Variants in EIF4E1B observed in about 807,000 individuals in gnomAD.
EIF4E1B encodes the protein eukaryotic translation initiation factor 4E family member 1B, also known as eukaryotic translation initiation factor 4E type 1B.
Under a neutral mutation model 31.3 loss-of-function variants are expected in EIF4E1B, and 22 were observed. The observed-to-expected ratio is 0.70, with a 90% CI of 0.50 to 1.00. EIF4E1B has a LOEUF of 1.00. Among genes scored for constraint, EIF4E1B ranks in the 50% least tolerant of loss-of-function variants. EIF4E1B has a pLI of 0.00. For missense variants in EIF4E1B, 290 were observed against 311.6 expected (o/e 0.93, Z 0.52); for synonymous variants, 126 against 120.2 (o/e 1.05, Z -0.31).
intron 2 of EIF4E1B, 99 bp from the exon 3 acceptor site, chr5:176,642,611 C>T (rs375479409): frequency 1.2e-5 from 12 of 1,011,660 alleles, no homozygotes; most frequent in East Asian, 5.4e-5. Flanking sequence ...CTTCTGCCAT[C>T]GGCAGGGCCG....
At chr5:176,643,501 T>C (rs1561910810) in intron 4 of EIF4E1B, 138 bp from the exon 5 acceptor site, 2 of 901,638 alleles carry the variant, frequency 2.2e-6, no homozygotes. Context: ...TTCATTCACC[T>C]GAGAGGGGAA....
At chr5:176,632,771 C>A (rs1456364285) in intron 1 of EIF4E1B, among the ~76,000 whole-genome samples, 1 of 152,112 alleles carries the variant, frequency 6.6e-6, no homozygotes, top group Non-Finnish European at 1.5e-5. Context: ...TTAAAATTGC[C>A]CCCTTCCCAT....
At chr5:176,643,519 C>A in intron 4 of EIF4E1B, 120 bp from the exon 5 acceptor site, 2 of 987,154 alleles carry the variant, frequency 2.0e-6, no homozygotes, top group South Asian at 1.6e-5. Flanking sequence ...GAATGCTGTG[C>A]CCCAAATCTC....
At chr5:176,642,837 A>G in intron 3 of EIF4E1B, 35 bp downstream of exon 3, 2 of 1,443,260 alleles carry the variant, frequency 1.4e-6, no homozygotes, top group East Asian at 2.8e-5. Flanking sequence ...CCAGTGCACC[A>G]TGGCCCCGCC....
rs1760637808 is a variant in EIF4E1B, at chr5:176,643,652, T to C, written c.214T>C (p.Phe72Leu). 1 of 1,609,388 alleles carries C rather than the reference T, an allele frequency of 6.2e-7. No homozygotes were observed. The highest frequency in any genetic ancestry group is 8.5e-7 in the Non-Finnish European group (1 of 1,177,876). ...TTCCCCTACCAGGTGGGCTCTGTGG[T>C]TCTTCAAGAATGACCGCAGCCGGGC... ...HPLQNRWALW[F>L]FKNDRSRAWQ... Residue 72 changes from phenylalanine (F) to leucine (L), a missense_variant, in exon 5 of 9, where the codon TTC becomes CTC. By Grantham distance (22) the Phe-to-Leu change is conservative. Transcript: ENST00000318682.
chr5:176,643,345 C>T (rs1760627835), intron 4 of EIF4E1B, 79 bp downstream of exon 4: 4 of 1,486,922 alleles, frequency 2.7e-6, no homozygotes, highest in African/African-American at 1.4e-5. Context: ...CCTTGGGCAA[C>T]CCCGCCTCTC....
chr5:176,642,865 C>CACCCCCG (rs56115420), intron 3 of EIF4E1B, 63 bp downstream of exon 3: 22 of 1,173,072 alleles, frequency 1.9e-5, no homozygotes, highest in Non-Finnish European at 2.3e-5. Flanking sequence ...CCCCCCCCCC[C>CACCCCCG]GCCCCAGGTG....
At chr5:176,641,204 C>G (rs1760569708) in intron 1 of EIF4E1B, among the ~76,000 whole-genome samples, 1 of 152,140 alleles carries the variant, frequency 6.6e-6, no homozygotes, top group Admixed American at 6.5e-5. Flanking sequence ...TGGTGCATGC[C>G]TGTAGTCCCA....
chr5:176,633,955 C>T (rs1036863198), intron 1 of EIF4E1B, among the ~76,000 whole-genome samples: 2 of 152,078 alleles, frequency 1.3e-5, no homozygotes, highest in African/African-American at 4.8e-5. Flanking sequence ...ACAAGGACGC[C>T]TGAACTACAG....
chr5:176,645,717 G>T lies in EIF4E1B; in HGVS notation c.615-149G>T. ...AGTGCAGCTCTCCTTTTGCATTAAG[G>T]GGGTCATATTTTGGGTTTCCACATG... On this transcript the variant is annotated intron_variant, in intron 8 of 8. Transcript: ENST00000318682. This position sits in a 1 kb window ranked among gnomAD's most constrained non-coding sequence, Gnocchi z 5.4. 1 of 1,085,506 alleles carries T rather than the reference G, an allele frequency of 9.2e-7. No homozygotes were observed. Among genetic ancestry groups the T allele is most frequent in the East Asian group, 2.6e-5 (1 of 37,914 alleles). The allele number at this position is 1,085,506 out of a possible 1,614,324, so 67.2% of individuals were successfully genotyped here. A position where few individuals can be genotyped will look rare whatever the true frequency, so the allele number is the denominator to read the frequency against.
At chr5:176,642,853 C>CT (rs1561910303) in intron 3 of EIF4E1B, 51 bp downstream of exon 3, 10 of 1,182,502 alleles carry the variant, frequency 8.5e-6, no homozygotes, top group South Asian at 5.7e-5. Context: ...CCGCCCTCTC[C>CT]CCCCCCCCCC....
chr5:176,645,841 T>C lies in EIF4E1B; in HGVS notation c.615-25T>C, dbSNP rs771544393. ...CTCTGATGACTACCTGTGTCTCTTT[T>C]CCTCTGTGTCCCCCGCACCTGCAGG... is the stretch of plus-strand genomic sequence containing the variant. On this transcript the variant is annotated intron_variant, in intron 8 of 8. Transcript: ENST00000318682. This position sits in a 1 kb window ranked among gnomAD's most constrained non-coding sequence, Gnocchi z 5.4. 1.7e-5 allele frequency: 26 copies of C among 1,542,966 alleles called. 1 individual carries two copies. In the South Asian group the frequency reaches 2.0e-4, roughly 12 times the overall value.
intron 4 of EIF4E1B, among the ~76,000 whole-genome samples, 159 bp downstream of exon 4, chr5:176,643,425 C>T (rs931150747): frequency 9.9e-5 from 15 of 152,212 alleles, no homozygotes; most frequent in Admixed American, 9.2e-4. Context: ...GCCCTTCCAG[C>T]CCTAACCCCG....
rs556430956 is a variant in EIF4E1B, at chr5:176,642,048, G to A, written c.-196G>A. 1 of 152,774 alleles carries A rather than the reference G, an allele frequency of 6.5e-6. No homozygotes were observed. The highest frequency in any genetic ancestry group is 2.1e-4 in the South Asian group (1 of 4,818). The allele number at this position is 152,774 out of a possible 1,614,324, so 9.5% of individuals were successfully genotyped here. A position where few individuals can be genotyped will look rare whatever the true frequency, so the allele number is the denominator to read the frequency against. ...TTAACATTTTCATTTTACAGATGGG[G>A]AAACTGACTCGATGAAGCTCAGGCC... On this transcript the variant is annotated 5_prime_UTR_variant, in exon 2 of 9. Transcript: ENST00000318682.
Position 176,643,159 on chromosome 5 carries a change from A to C in EIF4E1B, c.93A>C (p.Thr31=), listed in dbSNP as rs377048006. 728 of 1,613,882 alleles carry C rather than the reference A, an allele frequency of 4.5e-4. 1 individual carries two copies. The highest frequency in any genetic ancestry group is 5.9e-4 in the Non-Finnish European group (702 of 1,179,876). ...AGGAGGCAGCAGAGAGGACGCCCACAGGAGAAAAGTCTCCAAACTCTCCCA... is the reference window on the plus strand; with the variant it reads ...AGGAGGCAGCAGAGAGGACGCCCACCGGAGAAAAGTCTCCAAACTCTCCCA... ...KEEEAAERTP[T]GEKSPNSPRT... is the part of the protein sequence containing the mutation. Residue 31 remains threonine, a synonymous_variant, in exon 4 of 9, where the codon ACA becomes ACC. Transcript: ENST00000318682.
intron 6 of EIF4E1B, 63 bp downstream of exon 6, chr5:176,644,502 C>T: frequency 7.2e-7 from 1 of 1,391,284 alleles, no homozygotes. Flanking sequence ...TCCCGGACTC[C>T]ACTGCGTTAA....
chr5:176,645,818 CTGA>C lies in EIF4E1B; in HGVS notation c.615-44_615-42del. On this transcript the variant is annotated intron_variant, in intron 8 of 8. Transcript: ENST00000318682. The surrounding 1 kb of genome is among the most constrained non-coding windows in gnomAD (Gnocchi z 5.4). Reference sequence around the variant, plus strand: ...TGGCCTAAGTTATCTCTAGGACCCTCTGATGACTACCTGTGTCTCTTTTCCTCT... The same window carrying C: ...TGGCCTAAGTTATCTCTAGGACCCTCTGACTACCTGTGTCTCTTTTCCTCT... 1 of 1,487,356 alleles carries C rather than the reference CTGA, an allele frequency of 6.7e-7. No individual in the cohort carries two copies. Among genetic ancestry groups the C allele is most frequent in the Non-Finnish European group, 9.1e-7 (1 of 1,100,392 alleles). The allele number at this position is 1,487,356 out of a possible 1,614,324, so 92.1% of individuals were successfully genotyped here. A position where few individuals can be genotyped will look rare whatever the true frequency, so the allele number is the denominator to read the frequency against.
At chr5:176,636,350 T>C (rs753652054) in intron 1 of EIF4E1B, among the ~76,000 whole-genome samples, 6 of 152,234 alleles carry the variant, frequency 3.9e-5, no homozygotes, top group South Asian at 2.1e-4. Flanking sequence ...TGTTCTCTCT[T>C]TCCCCAGGAA....
chr5:176,640,779 C>T (rs1031869115), intron 1 of EIF4E1B, among the ~76,000 whole-genome samples: 3 of 152,220 alleles, frequency 2.0e-5, no homozygotes, highest in South Asian at 2.1e-4. Context: ...ATTTCTTTCC[C>T]CTTTTAGCTT....
Sources: gnomAD v4.1 joint callset for allele counts (sites outside exome capture counted in the v4.1 genomes callset) on GRCh38, gnomAD v4.1.1 for gene constraint, Gnocchi (gnomAD v3.1) non-coding constraint, MANE v1.5 for transcripts, NCBI Gene and HGNC (gene_info 2026-07-23, HGNC 2026-07-21) for gene names.